The following CABIN1 variants were observed in gnomAD, a reference collection of about 807,000 sequenced individuals.
CABIN1 encodes the protein calcineurin-binding protein cabin-1.
A neutral mutation model predicts 227.7 loss-of-function variants in CABIN1; 133 were observed. The ratio of observed to expected loss-of-function variants is 0.58; its 90% CI spans 0.51 to 0.67. CABIN1 has a LOEUF of 0.67. Ranked by LOEUF, CABIN1 falls within the 30% of genes least tolerant of loss-of-function variation. The pLI, the probability that CABIN1 is intolerant of heterozygous loss-of-function variation, is 0.00. For synonymous variants in CABIN1, 1,086 were observed against 1,155.1 expected (o/e 0.94, Z 1.21); for missense variants, 2,408 against 2,852.5 (o/e 0.84, Z 3.55).
At chr22:24,089,491 A>G (rs1250028055) in intron 23 of CABIN1, among the ~76,000 whole-genome samples, 1 of 152,154 alleles carries the variant, frequency 6.6e-6, no homozygotes, top group Non-Finnish European at 1.5e-5. Flanking sequence ...AGAGATGGAA[A>G]TCCACCAGGA....
intron 33 of CABIN1, among the ~76,000 whole-genome samples, chr22:24,169,135 C>T (rs1321662018): frequency 6.6e-6 from 1 of 151,992 alleles, no homozygotes; most frequent in Non-Finnish European, 1.5e-5. Context: ...CCTGGGAGGA[C>T]CCCAAGCTAG....
At chr22:24,138,638 T>C (rs2044561622) in intron 29 of CABIN1, among the ~76,000 whole-genome samples, 1 of 152,230 alleles carries the variant, frequency 6.6e-6, no homozygotes, top group South Asian at 2.1e-4. Context: ...AGGGATGTTA[T>C]AGGAGGGTAC....
intron 19 of CABIN1, among the ~76,000 whole-genome samples, chr22:24,082,006 G>A (rs887685804): frequency 3.3e-5 from 5 of 152,094 alleles, no homozygotes; most frequent in South Asian, 2.1e-4. Context: ...CAGCCTGGGC[G>A]ACGGAGCGAG....
At chr22:24,122,354 A>G (rs1015615242) in intron 28 of CABIN1, among the ~76,000 whole-genome samples, 2 of 152,142 alleles carry the variant, frequency 1.3e-5, no homozygotes, top group African/African-American at 4.8e-5. Flanking sequence ...TTCAGATCTT[A>G]GAATATTTGC....
intron 1 of CABIN1, among the ~76,000 whole-genome samples, chr22:24,013,380 G>A (rs944969571): frequency 1.3e-4 from 20 of 151,446 alleles, no homozygotes. Context: ...GTATTTTTTA[G>A]TAGAGACGGA....
chr22:24,047,371 G>A (rs2037973548), intron 6 of CABIN1, among the ~76,000 whole-genome samples: 1 of 152,162 alleles, frequency 6.6e-6, no homozygotes. Flanking sequence ...AGGACTGTAG[G>A]GTGGCTAGTG....
At chr22:24,144,808 A>C (rs571840549) in intron 29 of CABIN1, among the ~76,000 whole-genome samples, 43 of 152,318 alleles carry the variant, frequency 2.8e-4, no homozygotes, top group African/African-American at 1.0e-3. Flanking sequence ...TGCTGTGCTC[A>C]ATGTGACTGC....
chr22:24,102,166 C>T (rs906614755), intron 26 of CABIN1: 2 of 152,354 alleles, frequency 1.3e-5, no homozygotes, highest in African/African-American at 2.4e-5. Context: ...TGTGGTTGGC[C>T]AGCCTGGCAG....
intron 18 of CABIN1, among the ~76,000 whole-genome samples, chr22:24,074,279 T>A (rs558595600): frequency 6.6e-6 from 1 of 152,106 alleles, no homozygotes; most frequent in African/African-American, 2.4e-5. Context: ...GATAGAGGAA[T>A]AGTCAAATAC....
chr22:24,091,663 C>T lies in CABIN1; in HGVS notation c.3606C>T (p.Asp1202=), dbSNP rs751519723. Residue 1202 remains aspartate (D), a synonymous_variant, in exon 24 of 37, where the codon GAC becomes GAT. Coordinates refer to ENST00000263119, the MANE Select transcript of CABIN1 (RefSeq NM_012295.4). ...TSAARCEGDG[D]EEEWLIHYML... ...CAGCCCGCTGCGAGGGTGATGGTGA[C>T]GAGGAGGAGTGGCTCATCCACTACA... 14 of 1,614,072 alleles carry T rather than the reference C, an allele frequency of 8.7e-6. 1 individual carries two copies. Among genetic ancestry groups the T allele is most frequent in the South Asian group, 3.3e-5 (3 of 91,092 alleles).
chr22:24,099,604 T>C (rs1487858415), intron 26 of CABIN1, among the ~76,000 whole-genome samples: 1 of 152,210 alleles, frequency 6.6e-6, no homozygotes, highest in Non-Finnish European at 1.5e-5. Context: ...TTAGTTAAGT[T>C]AATCACCCTG....
At chr22:24,132,877 C>T (rs546198599) in intron 28 of CABIN1, among the ~76,000 whole-genome samples, 12 of 152,266 alleles carry the variant, frequency 7.9e-5, no homozygotes, top group East Asian at 5.8e-4. Flanking sequence ...CGTGAGCCAC[C>T]GCGCCCAGCT....
Position 24,134,120 on chromosome 22 carries a change from C to T in CABIN1, c.4633-182C>T, listed in dbSNP as rs1452653220. On this transcript the variant is annotated intron_variant, in intron 28 of 36. Coordinates refer to ENST00000263119, the MANE Select transcript of CABIN1 (RefSeq NM_012295.4). ...CCAGAGATCAGTTCTGAAAATGCAT[C>T]CCACAGCCTGATGATCAAAGCCCAT... Among the ~76,000 whole-genome samples the T allele has an allele frequency of 1.5e-4, 23 of 152,210 alleles. 2 individuals carry two copies. The highest frequency in any genetic ancestry group is 1.5e-3 in the Admixed American group (23 of 15,284).
chr22:24,056,300 A>G lies in CABIN1; in HGVS notation c.1202A>G (p.Lys401Arg), dbSNP rs1160267853. The stretch of plus-strand genomic sequence containing the variant: ...CGGTCTGCCCGTGTCCGAAACACCA[A>G]GTGCAAAAAAGAAGAGAAAGTAGAC... The part of the protein sequence containing the change: ...KRRSARVRNT[K>R]CKKEEKVDFQ... The change falls in exon 10 of 37, where the codon AAG becomes AGG. Residue 401 changes from lysine to arginine, a missense_variant. Coordinates refer to ENST00000263119, the MANE Select transcript of CABIN1 (RefSeq NM_012295.4). 1.2e-6 allele frequency: 2 copies of G among 1,613,934 alleles called. No individual in the cohort carries two copies. The highest frequency in any genetic ancestry group is 2.7e-5 in the African/African-American group (2 of 74,934).
chr22:24,157,675 C>T (rs895215026), intron 29 of CABIN1, among the ~76,000 whole-genome samples: 8 of 152,320 alleles, frequency 5.3e-5, no homozygotes, highest in Admixed American at 3.3e-4. Context: ...GCTGTTTCGC[C>T]GCTTTGGTGA....
intron 16 of CABIN1, among the ~76,000 whole-genome samples, chr22:24,070,417 A>T (rs538542013): frequency 6.6e-6 from 1 of 152,320 alleles, no homozygotes; most frequent in South Asian, 2.1e-4. Context: ...TTTGCTGCTG[A>T]ACCCCCTCCA....
At chr22:24,048,690 G>A (rs562587680) in intron 6 of CABIN1, among the ~76,000 whole-genome samples, 7 of 152,216 alleles carry the variant, frequency 4.6e-5, no homozygotes, top group Non-Finnish European at 8.8e-5. Flanking sequence ...AGAGTGTTGG[G>A]ATTATAGGCG....
rs1383295829 is a variant in CABIN1, at chr22:24,178,386, G to A, written c.*190G>A. On this transcript the variant is annotated 3_prime_UTR_variant, in exon 37 of 37. Transcript: ENST00000263119. ...GTCAGGCTGTCCACACCACATGGGA[G>A]CCCAGAGGAGGAGGGGCCCGCCTTA... is the stretch of plus-strand genomic sequence containing the variant. 3 of 672,308 alleles carry A rather than the reference G, an allele frequency of 4.5e-6. No homozygotes were observed. Among genetic ancestry groups the A allele is most frequent in the Middle Eastern group, 4.1e-4 (1 of 2,438 alleles). 41.6% of individuals were successfully genotyped at this position (672,308 alleles called of 1,614,324 possible). A position where few individuals can be genotyped will look rare whatever the true frequency, so the allele number is the denominator to read the frequency against.
At chr22:24,157,237 T>C (rs1165423049) in intron 29 of CABIN1, among the ~76,000 whole-genome samples, 1 of 151,910 alleles carries the variant, frequency 6.6e-6, no homozygotes, top group Non-Finnish European at 1.5e-5. Context: ...CTCCCAACCT[T>C]AGGGGAGGAA....
Sources: gnomAD v4.1 joint callset for allele counts (sites outside exome capture counted in the v4.1 genomes callset) on GRCh38, gnomAD v4.1.1 for gene constraint, MANE v1.5 for transcripts, NCBI Gene and HGNC (gene_info 2026-07-23, HGNC 2026-07-21) for gene names.